Variants in NCAM2 observed in about 807,000 individuals in gnomAD.
The protein encoded by NCAM2 is neural cell adhesion molecule 2, also known as N-CAM-2.
Under a neutral mutation model 98.1 loss-of-function variants are expected in NCAM2, and 30 were observed. The observed-to-expected ratio is 0.31, with a 90% CI of 0.23 to 0.41. The LOEUF (loss-of-function observed/expected upper bound fraction) is 0.41, where lower values mean the gene tolerates loss of function less well. Among genes scored for constraint, NCAM2 ranks in the 10% least tolerant of loss-of-function variants. The probability of loss-of-function intolerance (pLI) is 1.00; values close to 1 mark genes in which losing one functional copy is unlikely to be tolerated. For missense variants in NCAM2, 867 were observed against 1,005.8 expected (o/e 0.86, Z 1.87); for synonymous variants, 368 against 342.4 (o/e 1.07, Z -0.83).
intron 1 of NCAM2, among the ~76,000 whole-genome samples, chr21:21,090,278 G>T (rs1037197921): frequency 6.6e-6 from 1 of 152,150 alleles, no homozygotes; most frequent in Non-Finnish European, 1.5e-5. Flanking sequence ...TTTTAATGGA[G>T]AAGGTCTTAA....
intron 9 of NCAM2, among the ~76,000 whole-genome samples, chr21:21,380,691 A>G (rs2083979920): frequency 6.6e-6 from 1 of 151,728 alleles, no homozygotes; most frequent in South Asian, 2.1e-4. Context: ...TTTCTTCTTC[A>G]CAAGTCCATC....
chr21:21,510,063 T>C (rs1569129151), intron 16 of NCAM2, among the ~76,000 whole-genome samples: 1 of 152,164 alleles, frequency 6.6e-6, no homozygotes, highest in Admixed American at 6.6e-5. Flanking sequence ...TAACATTTTG[T>C]GCTATTTTGT....
chr21:21,446,387 G>C (rs1316519958), intron 12 of NCAM2, among the ~76,000 whole-genome samples: 2 of 151,950 alleles, frequency 1.3e-5, no homozygotes, highest in African/African-American at 4.8e-5. Context: ...GTCTTGCTGG[G>C]TTAGAAAGTT....
intron 11 of NCAM2, among the ~76,000 whole-genome samples, chr21:21,424,582 G>A (rs1643952588): frequency 6.6e-6 from 1 of 152,102 alleles, no homozygotes; most frequent in African/African-American, 2.4e-5. Context: ...AAACATCAAG[G>A]TTACACTTGT....
intron 1 of NCAM2, among the ~76,000 whole-genome samples, chr21:21,146,383 C>G (rs1220048097): frequency 1.3e-5 from 2 of 151,186 alleles, no homozygotes; most frequent in African/African-American, 4.9e-5. Flanking sequence ...TTCTTCTGAT[C>G]ATATGTTTAG....
intron 16 of NCAM2, among the ~76,000 whole-genome samples, chr21:21,529,652 C>A (rs1413564913): frequency 6.6e-6 from 1 of 151,792 alleles, no homozygotes; most frequent in Non-Finnish European, 1.5e-5. Context: ...GCAGGGTGTG[C>A]TTATTAATTA....
chr21:21,149,640 C>G (rs1342816412), intron 1 of NCAM2, among the ~76,000 whole-genome samples: 2 of 151,956 alleles, frequency 1.3e-5, no homozygotes, highest in Non-Finnish European at 2.9e-5. Flanking sequence ...TTTTTCAACT[C>G]CCACTTATCA....
intron 2 of NCAM2, among the ~76,000 whole-genome samples, chr21:21,283,664 G>C (rs897028209): frequency 2.0e-5 from 3 of 151,828 alleles, no homozygotes; most frequent in African/African-American, 7.2e-5. Context: ...AGCAACTAGG[G>C]AAATTAATTT....
chr21:21,173,555 G>A (rs1255893225), intron 1 of NCAM2, among the ~76,000 whole-genome samples: 1 of 152,162 alleles, frequency 6.6e-6, no homozygotes, highest in African/African-American at 2.4e-5. Flanking sequence ...TATGGAACAT[G>A]CTAAACTGAG....
At chr21:21,300,564 T>C (rs2073676268) in intron 5 of NCAM2, among the ~76,000 whole-genome samples, 1 of 151,946 alleles carries the variant, frequency 6.6e-6, no homozygotes, top group African/African-American at 2.4e-5. Context: ...CCTTTCACAC[T>C]GACTTGAAAT....
At chr21:21,475,350 G>C (rs1433716347) in intron 14 of NCAM2, among the ~76,000 whole-genome samples, 5 of 152,034 alleles carry the variant, frequency 3.3e-5, no homozygotes. Flanking sequence ...AAGGCCTCAT[G>C]TCTTTCTTCT....
chr21:21,465,307 C>T (rs1210472447), intron 12 of NCAM2, among the ~76,000 whole-genome samples: 1 of 151,810 alleles, frequency 6.6e-6, no homozygotes, highest in Non-Finnish European at 1.5e-5. Flanking sequence ...CTAAGCCAGA[C>T]CTAGTGGCCC....
intron 15 of NCAM2, among the ~76,000 whole-genome samples, chr21:21,506,272 G>A (rs1201454281): frequency 6.6e-6 from 1 of 151,976 alleles, no homozygotes; most frequent in East Asian, 1.9e-4. Context: ...TAGTTGTTGA[G>A]TAATGTGCAA....
intron 1 of NCAM2, among the ~76,000 whole-genome samples, chr21:21,207,490 AG>A (rs72360078): frequency 1 from 152,245 of 152,246 alleles, 76,122 homozygotes; most frequent in Non-Finnish European, 1. Context: ...ACTGTAACAC[AG>A]AGAAACAAAA....
chr21:21,414,670 G>A (rs1193498167), intron 10 of NCAM2, among the ~76,000 whole-genome samples: 3 of 151,304 alleles, frequency 2.0e-5, no homozygotes, highest in South Asian at 4.2e-4. Flanking sequence ...GGAGTTTCAC[G>A]GTGTTAACCA....
At chr21:21,153,171 T>A (rs2067498068) in intron 1 of NCAM2, among the ~76,000 whole-genome samples, 1 of 144,698 alleles carries the variant, frequency 6.9e-6, no homozygotes, top group South Asian at 2.1e-4. Flanking sequence ...GAAAATTCAC[T>A]ATTTTTTTTT....
rs571697537 is a variant in NCAM2 at position 21,347,277 on chromosome 21, C to G, written c.1044+8743C>G. ...TATATACATACAACCTACACATAAA[C>G]AAAATTTAATGACATTTTTCACAGA... On this transcript the variant is annotated intron_variant, in intron 8 of 17. Coordinates refer to ENST00000400546, the MANE Select transcript of NCAM2 (RefSeq NM_004540.5). Among the ~76,000 whole-genome samples, 118 of 151,830 alleles carry G rather than the reference C, an allele frequency of 7.8e-4. 1 individual carries two copies. In the South Asian group the frequency reaches 0.021, roughly 28 times the overall value.
chr21:21,492,041 T>C (rs1986885765), intron 15 of NCAM2, among the ~76,000 whole-genome samples: 1 of 151,674 alleles, frequency 6.6e-6, no homozygotes, highest in Non-Finnish European at 1.5e-5. Context: ...TATATATTAC[T>C]TTATTAATTT....
intron 1 of NCAM2, among the ~76,000 whole-genome samples, chr21:21,125,407 A>AATATTTTACATATATATGTAATAT (rs2066772859): frequency 7.2e-6 from 1 of 139,210 alleles, no homozygotes; most frequent in African/African-American, 2.7e-5. Flanking sequence ...TGTAATATAT[A>AATATTTTACATATATATGTAATAT]ATATTTTACA....
Sources: allele counts gnomAD v4.1 joint callset (sites outside exome capture counted in the v4.1 genomes callset), GRCh38; gene constraint gnomAD v4.1.1; transcripts MANE v1.5; gene names NCBI Gene and HGNC (gene_info 2026-07-23, HGNC 2026-07-21).